Variants in XKR3 observed in about 807,000 individuals in gnomAD.
XKR3 encodes the protein XK related 3, also known as XK-related protein 3.
A neutral mutation model predicts 40.3 loss-of-function variants in XKR3; 27 were observed. The ratio of observed to expected loss-of-function variants is 0.67; its 90% CI spans 0.49 to 0.92. The LOEUF (loss-of-function observed/expected upper bound fraction) is 0.92, where lower values mean the gene tolerates loss of function less well. XKR3 is among the 40% of genes least tolerant of loss of function. The pLI, the probability that XKR3 is intolerant of heterozygous loss-of-function variation, is 0.00. For synonymous variants in XKR3, 193 were observed against 195.4 expected, an observed-to-expected ratio of 0.99 and a Z score of 0.10; for missense variants, 472 against 537.6, an observed-to-expected ratio of 0.88 and a Z score of 1.21.
intron 1 of XKR3, among the ~76,000 whole-genome samples, chr22:16,817,818 C>A (rs761602801): frequency 2.0e-5 from 3 of 152,042 alleles, no homozygotes; most frequent in Non-Finnish European, 2.9e-5. Context: ...TTTGCAACTG[C>A]TCACATTGCC....
At chr22:16,805,950 A>G (rs890819706) in intron 2 of XKR3, among the ~76,000 whole-genome samples, 4 of 152,332 alleles carry the variant, frequency 2.6e-5, no homozygotes, top group Middle Eastern at 3.4e-3. Context: ...AATTATTGCT[A>G]GAGGGAGCTA....
chr22:16,788,090 A>G (rs1218861172), intron 3 of XKR3, among the ~76,000 whole-genome samples: 1 of 152,164 alleles, frequency 6.6e-6, no homozygotes, highest in Non-Finnish European at 1.5e-5. Flanking sequence ...TAGGCCAAAA[A>G]ACACATCTTG....
chr22:16,805,726 T>G (rs182611999), intron 2 of XKR3, among the ~76,000 whole-genome samples: 7 of 152,302 alleles, frequency 4.6e-5, no homozygotes, highest in East Asian at 1.9e-4. Context: ...ATCAAACTGG[T>G]AATAAGAATT....
intron 2 of XKR3, among the ~76,000 whole-genome samples, chr22:16,802,137 C>T (rs1355978098): frequency 6.6e-6 from 1 of 152,136 alleles, no homozygotes; most frequent in Non-Finnish European, 1.5e-5. Flanking sequence ...TTAACTAGCT[C>T]TTCTTTAGCA....
At chr22:16,790,265 A>ATT (rs2060108665) in intron 3 of XKR3, among the ~76,000 whole-genome samples, 9 of 143,324 alleles carry the variant, frequency 6.3e-5, no homozygotes, top group Non-Finnish European at 7.5e-5. Flanking sequence ...TTTTTTTTGG[A>ATT]TAAGACCTCA....
chr22:16,824,537 G>A (rs2060267023), intron 1 of XKR3, among the ~76,000 whole-genome samples: 1 of 152,030 alleles, frequency 6.6e-6, no homozygotes, highest in South Asian at 2.1e-4. Context: ...GAAGGAGGAG[G>A]GAGAGTAGAG....
At chr22:16,817,798 A>G (rs1293914802) in intron 1 of XKR3, among the ~76,000 whole-genome samples, 1 of 152,080 alleles carries the variant, frequency 6.6e-6, no homozygotes, top group African/African-American at 2.4e-5. Context: ...TGGTTTTCAT[A>G]ATATTTGGTT....
chr22:16,824,621 T>C (rs775255531), intron 1 of XKR3, among the ~76,000 whole-genome samples: 1 of 152,144 alleles, frequency 6.6e-6, no homozygotes, highest in African/African-American at 2.4e-5. Flanking sequence ...TCAGAGTTTC[T>C]GGGCCTCAGG....
At chr22:16,799,063 C>T (rs1320027053) in intron 3 of XKR3, among the ~76,000 whole-genome samples, 1 of 152,084 alleles carries the variant, frequency 6.6e-6, no homozygotes, top group Non-Finnish European at 1.5e-5. Flanking sequence ...GACTTTTATA[C>T]AATTTTATAG....
intron 1 of XKR3, among the ~76,000 whole-genome samples, chr22:16,808,982 GATA>G (rs1167185957): frequency 6.6e-6 from 1 of 152,126 alleles, no homozygotes; most frequent in Non-Finnish European, 1.5e-5. Context: ...CAGAAAGAAA[GATA>G]ATATTTCCCC....
chr22:16,811,793 G>C (rs1341425644), intron 1 of XKR3, among the ~76,000 whole-genome samples: 1 of 152,094 alleles, frequency 6.6e-6, no homozygotes, highest in Non-Finnish European at 1.5e-5. Context: ...AGGATCACGA[G>C]GTCAGGAGAT....
In XKR3 at chr22:16,784,382, G is replaced by C. The variant is rs2060081168; in HGVS notation, c.617C>G (p.Ser206Ter). 6.2e-7 allele frequency: 1 copy of C among 1,601,578 alleles called. No homozygotes were observed. The highest frequency in any genetic ancestry group is 8.5e-7 in the Non-Finnish European group (1 of 1,175,212). Reference sequence around the variant, plus strand: ...GCAGCGAATGGCCCCATAAGTAACTGATAACAGGGAAAATGTCATCAGCAA... The same window carrying C: ...GCAGCGAATGGCCCCATAAGTAACTCATAACAGGGAAAATGTCATCAGCAA... ...RALLMTFSLL[S>*]VTYGAIRCNI... The change falls in exon 4 of 4, where the codon TCA becomes TGA. Residue 206 changes from serine (S) to a stop codon, truncating the protein, a stop_gained. Coordinates refer to ENST00000684488, the MANE Select transcript of XKR3 (RefSeq NM_001386955.1). LOFTEE classifies it high-confidence loss of function.
chr22:16,801,318 C>G (rs985936153), intron 2 of XKR3, among the ~76,000 whole-genome samples: 1 of 152,070 alleles, frequency 6.6e-6, no homozygotes, highest in Admixed American at 6.6e-5. Flanking sequence ...CAAGAAGGGG[C>G]GGATCCCTTG....
At chr22:16,819,717 G>C (rs764961713) in intron 1 of XKR3, among the ~76,000 whole-genome samples, 2 of 151,896 alleles carry the variant, frequency 1.3e-5, no homozygotes, top group Admixed American at 6.6e-5. Context: ...AGAGTTATTG[G>C]ATTTGATACC....
chr22:16,819,583 A>T (rs757118989), intron 1 of XKR3, among the ~76,000 whole-genome samples: 11 of 152,206 alleles, frequency 7.2e-5, no homozygotes, highest in Admixed American at 2.6e-4. Context: ...GCCTTAACAT[A>T]AAACTCACCC....
At position 16,810,581 on chromosome 22, in the gene XKR3, T is replaced by C. The variant is rs2060208465; in HGVS notation, c.-10-2498A>G. Among the ~76,000 whole-genome samples the C allele has an allele frequency of 2.0e-5, 3 of 152,204 alleles. No individual in the cohort carries two copies. In the South Asian group the frequency reaches 6.2e-4, roughly 32 times the overall value. On this transcript the variant is annotated intron_variant, in intron 1 of 3. Coordinates refer to ENST00000684488, the MANE Select transcript of XKR3 (RefSeq NM_001386955.1). ...TATATTATGTGAGTTATATCTCAGA[T>C]ACTGTAAAAGTAACCATTTTAAAGT...
At chr22:16,798,177 T>A (rs1479287626) in intron 3 of XKR3, among the ~76,000 whole-genome samples, 1 of 118,576 alleles carries the variant, frequency 8.4e-6, no homozygotes, top group African/African-American at 3.2e-5. Flanking sequence ...TGAAACTCCA[T>A]CTCAAAAAAA....
rs2060159390 is a variant in XKR3, at chr22:16,799,771, C to T, written c.589G>A (p.Ala197Thr). The T allele has an allele frequency of 6.2e-7, 1 of 1,613,412 alleles. No homozygotes were observed. Among genetic ancestry groups the T allele is most frequent in the African/African-American group, 1.3e-5 (1 of 74,828 alleles). ...TTCAGCATCAAGTAACTCAACTTAC[C>T]TCTATTCAAAGGCCATTCTCGTATA... ...LTIREWPLNR[A>T]LLMTFSLLSV... Residue 197 changes from alanine to threonine, a missense_variant and splice_region_variant, in exon 3 of 4, where the codon GCA (alanine) becomes ACA (threonine). Ala to Thr is a moderately conservative substitution (Grantham distance 58). Transcript: ENST00000684488.
intron 1 of XKR3, among the ~76,000 whole-genome samples, chr22:16,824,682 C>T (rs1202934193): frequency 6.6e-6 from 1 of 152,132 alleles, no homozygotes; most frequent in Non-Finnish European, 1.5e-5. Context: ...CACTCTCTCC[C>T]CAGCAATCCA....
Sources: gnomAD v4.1 joint callset for allele counts (sites outside exome capture counted in the v4.1 genomes callset) on GRCh38, gnomAD v4.1.1 for gene constraint, MANE v1.5 for transcripts, NCBI Gene and HGNC (gene_info 2026-07-23, HGNC 2026-07-21) for gene names.